Variants in SLCO1A2 observed in about 807,000 individuals in gnomAD.
The protein encoded by SLCO1A2 is OATP-1.
Under a neutral mutation model 69.0 loss-of-function variants are expected in SLCO1A2, and 67 were observed. The ratio of observed to expected loss-of-function variants is 0.97; its 90% confidence interval spans 0.80 to 1.19. The LOEUF (loss-of-function observed/expected upper bound fraction) is 1.19, where lower values mean the gene tolerates loss of function less well. Ranked by LOEUF, SLCO1A2 falls within the 50% of genes most tolerant of loss-of-function variation. SLCO1A2 has a pLI of 0.00. For synonymous variants in SLCO1A2, 260 were observed against 265.9 expected, an observed-to-expected ratio of 0.98 and a Z score of 0.22; for missense variants, 787 against 793.7, an observed-to-expected ratio of 0.99 and a Z score of 0.10.
At chr12:21,284,835 TC>T (rs1332205009) in intron 12 of SLCO1A2, among the ~76,000 whole-genome samples, 1 of 70,740 alleles carries the variant, frequency 1.4e-5, no homozygotes, top group African/African-American at 6.5e-5. Flanking sequence ...CATACCAGAA[TC>T]TCTGGGACGC....
chr12:21,297,361 G>A lies in SLCO1A2; in HGVS notation c.1075+43C>T, dbSNP rs11568577. The A allele has an allele frequency of 3.8e-3, 5,787 of 1,523,264 alleles. 26 individuals are homozygous for A. The highest frequency in any genetic ancestry group is 0.028 in the Middle Eastern group (158 of 5,714). 94.4% of individuals were successfully genotyped at this position (1,523,264 alleles called of 1,614,324 possible). A position where few individuals can be genotyped will look rare whatever the true frequency, so the allele number is the denominator to read the frequency against. ...CTACACCCGCCATCACACTGTTCGT[G>A]GGGGGGAAAGTGTGCTAGTAAGGCA... On this transcript the variant is annotated intron_variant, in intron 9 of 14. Coordinates refer to ENST00000683939, the MANE Select transcript of SLCO1A2 (RefSeq NM_001386879.1).
At chr12:21,297,871 G>A (rs566090002) in intron 8 of SLCO1A2, among the ~76,000 whole-genome samples, 11 of 152,176 alleles carry the variant, frequency 7.2e-5, no homozygotes, top group East Asian at 1.9e-4. Flanking sequence ...TATTGTCTAC[G>A]TCCACAGCAT....
intron 1 of SLCO1A2, among the ~76,000 whole-genome samples, chr12:21,393,244 C>A (rs1312793805): frequency 5.9e-5 from 9 of 152,156 alleles, no homozygotes; most frequent in Admixed American, 5.9e-4. Flanking sequence ...TTCTATCAAT[C>A]TAGCAATAAG....
At chr12:21,272,857 T>C (rs1419704264) in intron 14 of SLCO1A2, among the ~76,000 whole-genome samples, 1 of 152,176 alleles carries the variant, frequency 6.6e-6, no homozygotes, top group Non-Finnish European at 1.5e-5. Context: ...GGAATAAATC[T>C]AATTAATCAT....
At chr12:21,285,760 C>A (rs1385968470) in intron 12 of SLCO1A2, among the ~76,000 whole-genome samples, 1 of 151,122 alleles carries the variant, frequency 6.6e-6, no homozygotes, top group Non-Finnish European at 1.5e-5. Flanking sequence ...ACAAAAACCA[C>A]ATGATTATCT....
intron 12 of SLCO1A2, among the ~76,000 whole-genome samples, chr12:21,277,688 A>T (rs1199367127): frequency 6.6e-6 from 1 of 152,126 alleles, no homozygotes; most frequent in East Asian, 1.9e-4. Context: ...TCCACCTCAG[A>T]TCATCAGGCA....
At position 21,272,743 on chromosome 12, in the gene SLCO1A2, G is replaced by A. The variant is rs183479283; in HGVS notation, c.1793+1726C>T. On this transcript the variant is annotated intron_variant, in intron 14 of 14. Transcript: ENST00000683939. ...AAAATTACTATCTTTTAACCAGCAA[G>A]TTTAACCAATTTGCAAAACCACTTA... 5.6e-3 allele frequency among the ~76,000 whole-genome samples: 855 copies of A among 152,084 alleles called. 9 individuals are homozygous for A. Among genetic ancestry groups the A allele is most frequent in the African/African-American group, 0.019 (801 of 41,530 alleles).
At chr12:21,325,042 C>T (rs769706497) in intron 2 of SLCO1A2, among the ~76,000 whole-genome samples, 1 of 152,144 alleles carries the variant, frequency 6.6e-6, no homozygotes, top group Non-Finnish European at 1.5e-5. Flanking sequence ...ATTCTCTAGT[C>T]TAGTATTTGT....
chr12:21,329,600 T>G (rs183236571), intron 2 of SLCO1A2, among the ~76,000 whole-genome samples: 2 of 152,118 alleles, frequency 1.3e-5, no homozygotes, highest in Non-Finnish European at 2.9e-5. Flanking sequence ...TTTTATCTTT[T>G]GTAATTGAAT....
upstream of SLCO1A2, among the ~76,000 whole-genome samples, chr12:21,396,881 A>G (rs1487738662): frequency 2.6e-5 from 4 of 152,112 alleles, no homozygotes; most frequent in East Asian, 5.8e-4. Flanking sequence ...AGCACTAAAC[A>G]TGGAAAGGAA....
At chr12:21,303,236 AT>A (rs1948944978) in intron 6 of SLCO1A2, among the ~76,000 whole-genome samples, 1 of 152,130 alleles carries the variant, frequency 6.6e-6, no homozygotes, top group South Asian at 2.1e-4. Flanking sequence ...ATGTATAGAG[AT>A]TATCACAGCT....
intron 10 of SLCO1A2, 187 bp from the exon 11 acceptor site, chr12:21,294,297 T>C (rs1947376538): frequency 4.7e-6 from 2 of 426,292 alleles, no homozygotes; most frequent in South Asian, 5.4e-5. Flanking sequence ...GATGACCACA[T>C]AGCCACTCCT....
chr12:21,303,142 T>C (rs930532155), intron 6 of SLCO1A2, among the ~76,000 whole-genome samples: 2 of 152,122 alleles, frequency 1.3e-5, no homozygotes, highest in Non-Finnish European at 2.9e-5. Context: ...TACATATATA[T>C]ACACACTACA....
At chr12:21,379,674 G>C (rs923493620) in intron 1 of SLCO1A2, 6 of 152,074 alleles carry the variant, frequency 3.9e-5, no homozygotes, top group African/African-American at 1.4e-4. Context: ...TTTGGAAGTA[G>C]CATTAATTCA....
At chr12:21,398,136 TAAAG>T (rs1303868993), upstream of SLCO1A2, among the ~76,000 whole-genome samples, 1 of 142,722 alleles carries the variant, frequency 7.0e-6, no homozygotes, top group Non-Finnish European at 1.6e-5. Context: ...GCAAGACTAA[TAAAG>T]AAAAAAAGAG....
chr12:21,408,876 C>T (rs578117765), intron 1 of SLCO1A2, among the ~76,000 whole-genome samples: 29 of 152,286 alleles, frequency 1.9e-4, no homozygotes, highest in African/African-American at 5.5e-4. Flanking sequence ...ACATCCCCAA[C>T]GCTCTTCTAA....
At chr12:21,306,856 A>G (rs1949471570) in intron 5 of SLCO1A2, 26 bp downstream of exon 5, 1 of 1,552,930 alleles carries the variant, frequency 6.4e-7, no homozygotes, top group Non-Finnish European at 8.9e-7. Flanking sequence ...TCGCTGAACA[A>G]AAATCAATAC....
At chr12:21,393,281 A>G (rs150077744) in intron 1 of SLCO1A2, among the ~76,000 whole-genome samples, 1,739 of 152,266 alleles carry the variant, frequency 0.011, 38 homozygotes, top group African/African-American at 0.04. Context: ...TTCACACTGC[A>G]CAGTGATTTT....
chr12:21,334,479 T>G, intron 2 of SLCO1A2, 109 bp downstream of exon 2: 1 of 737,790 alleles, frequency 1.4e-6, no homozygotes, highest in Non-Finnish European at 2.3e-6. Context: ...ACAGGCAATA[T>G]GGCATTAATA....
Sources: gnomAD v4.1 joint callset for allele counts (sites outside exome capture counted in the v4.1 genomes callset) on GRCh38, gnomAD v4.1.1 for gene constraint, MANE v1.5 for transcripts, NCBI Gene and HGNC (gene_info 2026-07-23, HGNC 2026-07-21) for gene names.